The following NOTCH2 variants were observed in gnomAD, a reference collection of about 807,000 sequenced individuals.
NOTCH2 encodes the protein notch receptor 2, also known as neurogenic locus notch homolog protein 2.
In NOTCH2, 29 loss-of-function variants were observed where a neutral mutation model predicts 235.8. The observed-to-expected ratio is 0.12, with a 90% CI of 0.09 to 0.17. The LOEUF is 0.17. NOTCH2 is among the 10% of genes least tolerant of loss of function. The pLI, the probability that NOTCH2 is intolerant of heterozygous loss-of-function variation, is 1.00. For missense variants in NOTCH2, 2,285 were observed against 3,150.2 expected, an observed-to-expected ratio of 0.73 and a Z score of 6.57; for synonymous variants, 1,086 against 1,141.5, an observed-to-expected ratio of 0.95 and a Z score of 0.98.
At chr1:119,939,172 A>G (rs1553196139) in intron 19 of NOTCH2, among the ~76,000 whole-genome samples, 1 of 152,182 alleles carries the variant, frequency 6.6e-6, no homozygotes, top group African/African-American at 2.4e-5. Flanking sequence ...CCACACAGAT[A>G]GCAGCTCTGG....
chr1:119,959,912 A>G (rs956477634), intron 11 of NOTCH2, among the ~76,000 whole-genome samples: 16 of 152,234 alleles, frequency 1.1e-4, no homozygotes, highest in Admixed American at 3.9e-4. Flanking sequence ...TAAAATTAGT[A>G]ACTTTATAAT....
chr1:119,971,926 G>C (rs1379819199), intron 5 of NOTCH2, among the ~76,000 whole-genome samples: 1 of 152,058 alleles, frequency 6.6e-6, no homozygotes, highest in Non-Finnish European at 1.5e-5. Flanking sequence ...AATACAGAAA[G>C]AGTGAGTGAG....
chr1:119,987,038 T>C lies in NOTCH2; in HGVS notation c.796A>G (p.Asn266Asp). Residue 266 changes from asparagine (N) to aspartate (D), a missense_variant, in exon 5 of 34, where the codon AAC becomes GAC. This residue lies in a region of NOTCH2 where 431 missense variants were observed against 757.8 expected (regional missense o/e 0.57). Coordinates refer to ENST00000256646, the MANE Select transcript of NOTCH2 (RefSeq NM_024408.4). ...ACCCCTCCATTCTGACACCTGTGGT[T>C]AGGGCAGTCATCAATATTCCTCTCA... is the stretch of plus-strand genomic sequence containing the variant. The part of the protein sequence containing the change: ...TCERNIDDCP[N>D]HRCQNGGVCV... The C allele has an allele frequency of 6.2e-7, 1 of 1,613,720 alleles. No individual in the cohort carries two copies. Among genetic ancestry groups the C allele is most frequent in the Non-Finnish European group, 8.5e-7 (1 of 1,179,718 alleles).
At position 119,911,931 on chromosome 1, in the gene NOTCH2, T is replaced by C. The variant is rs1648907738; in HGVS notation, c.*3375A>G. ...AATTAAAGGAAGAAAAAAAGAAGTT[T>C]GGTGCTAGGCTTTGTGGGATTCAGA... On this transcript the variant is annotated 3_prime_UTR_variant, in exon 34 of 34. Transcript: ENST00000256646. 4.3e-6 allele frequency: 1 copy of C among 233,152 alleles called. No homozygotes were observed. Among genetic ancestry groups the C allele is most frequent in the African/African-American group, 2.2e-5 (1 of 45,352 alleles). The allele number at this position is 233,152 out of a possible 1,614,324, so 14.4% of individuals were successfully genotyped here. A position where few individuals can be genotyped will look rare whatever the true frequency, so the allele number is the denominator to read the frequency against.
chr1:119,958,429 C>T (rs1650795265), intron 12 of NOTCH2, among the ~76,000 whole-genome samples: 1 of 152,240 alleles, frequency 6.6e-6, no homozygotes, highest in Admixed American at 6.5e-5. Flanking sequence ...CTTCACTTTG[C>T]TCTGGCTGCT....
At chr1:120,066,853 G>GA (rs1229026126) in intron 1 of NOTCH2, among the ~76,000 whole-genome samples, 8 of 150,808 alleles carry the variant, frequency 5.3e-5, no homozygotes, top group Non-Finnish European at 1.2e-4. Flanking sequence ...AAAGTGAAAG[G>GA]AAAAATAGTT....
At chr1:119,917,992 A>G (rs1649147363) in intron 32 of NOTCH2, among the ~76,000 whole-genome samples, 1 of 152,156 alleles carries the variant, frequency 6.6e-6, no homozygotes, top group Admixed American at 6.5e-5. Context: ...CACTTGTATG[A>G]GGCATTCATG....
At chr1:120,064,522 T>C (rs1341868926) in intron 1 of NOTCH2, among the ~76,000 whole-genome samples, 1 of 151,648 alleles carries the variant, frequency 6.6e-6, no homozygotes, top group African/African-American at 2.4e-5. Context: ...AAAGCAGGAG[T>C]CATAGATGCT....
At chr1:119,972,979 A>G (rs1336371005) in intron 5 of NOTCH2, among the ~76,000 whole-genome samples, 1 of 152,210 alleles carries the variant, frequency 6.6e-6, no homozygotes, top group Non-Finnish European at 1.5e-5. Flanking sequence ...TGTGACTGCA[A>G]ACTCCTGTCT....
intron 1 of NOTCH2, among the ~76,000 whole-genome samples, chr1:120,043,912 T>C (rs1311430989): frequency 6.9e-6 from 1 of 145,534 alleles, no homozygotes; most frequent in Non-Finnish European, 1.5e-5. Flanking sequence ...ATTTTTTCTT[T>C]GTAAAATTGA....
At position 119,969,418 on chromosome 1, in the gene NOTCH2, C is replaced by CA. The variant is rs1651276310; in HGVS notation, c.1108+92dup. ...TGATATGTTCCCATAGATGGTAACT[C>CA]AAAGAATATGCTGTTTGGGATGAAA... On this transcript the variant is annotated intron_variant, in intron 6 of 33. Transcript: ENST00000256646. The CA allele has an allele frequency of 2.8e-6, 3 of 1,068,856 alleles. No individual in the cohort carries two copies. In the South Asian group the frequency reaches 4.0e-5, roughly 14 times the overall value. 66.2% of individuals were successfully genotyped at this position (1,068,856 alleles called of 1,614,324 possible).
At chr1:119,946,894 T>C (rs1457058732) in intron 17 of NOTCH2, among the ~76,000 whole-genome samples, 2 of 152,132 alleles carry the variant, frequency 1.3e-5, no homozygotes, top group Non-Finnish European at 2.9e-5. Context: ...GACAGGATGA[T>C]TGTATCTGTA....
At chr1:119,942,189 CCTCTCTCTCTCTTTTT>C (rs1301001581) in intron 17 of NOTCH2, among the ~76,000 whole-genome samples, 1 of 152,014 alleles carries the variant, frequency 6.6e-6, no homozygotes, top group Non-Finnish European at 1.5e-5. Context: ...ATTTCCATCT[CCTCTCTCTCTCTTTTT>C]CTCTCTCTTT....
In NOTCH2 at chr1:119,919,426, C is replaced by T. The variant is rs765353972; in HGVS notation, c.5667G>A (p.Arg1889=). ...CCAGGAGACGCTTGGCAGCATCAGC[C>T]CGTGAGTAGCGGGCTGCAAGGTGCA... ...MALHLAARYS[R]ADAAKRLLDA... is the part of the protein sequence containing the mutation. The change falls in exon 31 of 34, where the codon CGG becomes CGA. Residue 1889 remains arginine, a synonymous_variant. Coordinates refer to ENST00000256646, the MANE Select transcript of NOTCH2 (RefSeq NM_024408.4). 4.3e-6 allele frequency: 7 copies of T among 1,613,782 alleles called. No individual in the cohort carries two copies. Among genetic ancestry groups the T allele is most frequent in the Non-Finnish European group, 1.7e-6 (2 of 1,180,036 alleles).
At chr1:119,951,247 G>A (rs1265760435) in intron 14 of NOTCH2, among the ~76,000 whole-genome samples, 1 of 152,070 alleles carries the variant, frequency 6.6e-6, no homozygotes, top group Non-Finnish European at 1.5e-5. Flanking sequence ...GACCTCTCGG[G>A]CTCAGCAATC....
At chr1:120,006,324 C>A (rs1308825945) in intron 2 of NOTCH2, among the ~76,000 whole-genome samples, 5 of 152,038 alleles carry the variant, frequency 3.3e-5, no homozygotes, top group Non-Finnish European at 5.9e-5. Flanking sequence ...CATAAAATAT[C>A]TAAGATACCA....
chr1:119,943,125 A>G (rs1430475676), intron 17 of NOTCH2, among the ~76,000 whole-genome samples: 1 of 152,126 alleles, frequency 6.6e-6, no homozygotes, highest in Non-Finnish European at 1.5e-5. Flanking sequence ...TCCCTAACAG[A>G]CTATGAGCTT....
At chr1:120,025,477 C>A (rs1185029880) in intron 2 of NOTCH2, among the ~76,000 whole-genome samples, 1 of 150,434 alleles carries the variant, frequency 6.6e-6, no homozygotes, top group Non-Finnish European at 1.5e-5. Context: ...CAGAAGTAGG[C>A]CCACCCTAAC....
chr1:119,987,205 A>C, intron 4 of NOTCH2, 123 bp from the exon 5 acceptor site: 2 of 1,116,410 alleles, frequency 1.8e-6, no homozygotes, highest in Non-Finnish European at 2.6e-6. Flanking sequence ...ACAGCTGCTC[A>C]CCCAGGACTC....
Sources: allele counts gnomAD v4.1 joint callset (sites outside exome capture counted in the v4.1 genomes callset), GRCh38; gene constraint gnomAD v4.1.1; regional missense constraint gnomAD v4.1.1; transcripts MANE v1.5; gene names NCBI Gene and HGNC (gene_info 2026-07-23, HGNC 2026-07-21).